The following TRIM67 variants were observed in gnomAD, a reference collection of about 807,000 sequenced individuals.
TRIM67 encodes tripartite motif-containing protein 67.
A neutral mutation model predicts 71.0 loss-of-function variants in TRIM67; 39 were observed. The observed-to-expected ratio is 0.55, with a 90% confidence interval of 0.43 to 0.72. The LOEUF is 0.72. Among genes scored for constraint, TRIM67 ranks in the 30% least tolerant of loss-of-function variants. The pLI is 0.00. For missense variants in TRIM67, 973 were observed against 1,079.2 expected, an observed-to-expected ratio of 0.90 and a Z score of 1.38; for synonymous variants, 481 against 473.9, an observed-to-expected ratio of 1.01 and a Z score of -0.19.
chr1:231,171,152 G>A (rs1682608101), intron 1 of TRIM67, among the ~76,000 whole-genome samples: 1 of 152,172 alleles, frequency 6.6e-6, no homozygotes, highest in Non-Finnish European at 1.5e-5. Flanking sequence ...TAGGGGGCCT[G>A]AGAGCTTTGA....
Position 231,210,004 on chromosome 1 carries a change from C to G in TRIM67, c.2123+754C>G, listed in dbSNP as rs148252012. Among the ~76,000 whole-genome samples, 704 of 152,298 alleles carry G rather than the reference C, an allele frequency of 4.6e-3. 5 individuals are homozygous for G. The highest frequency in any genetic ancestry group is 0.016 in the African/African-American group (675 of 41,580). On this transcript the variant is annotated intron_variant, in intron 8 of 9. Coordinates refer to ENST00000366653, the MANE Select transcript of TRIM67 (RefSeq NM_001004342.5). ...CAGACACAAAGAAGGCAGTGCCCCCCCAACACCCCTGCACCATAGCTCTGT... is the reference window on the plus strand; with the variant it reads ...CAGACACAAAGAAGGCAGTGCCCCCGCAACACCCCTGCACCATAGCTCTGT...
At chr1:231,165,056 C>G (rs1034969823) in intron 1 of TRIM67, among the ~76,000 whole-genome samples, 1 of 152,160 alleles carries the variant, frequency 6.6e-6, no homozygotes, top group African/African-American at 2.4e-5. Context: ...AGCAGTAGTT[C>G]TCAACTGTGT....
intron 1 of TRIM67, among the ~76,000 whole-genome samples, chr1:231,187,916 G>A (rs1283911319): frequency 2.0e-5 from 3 of 152,188 alleles, no homozygotes; most frequent in Non-Finnish European, 4.4e-5. Context: ...GAAGTGACAG[G>A]AGTGAATCTA....
Position 231,163,980 on chromosome 1 carries a change from G to A in TRIM67, c.1011G>A (p.Val337=). ...AGGGCCGGCACGCCAAGCACGAGGT[G>A]AAGCCGCTGGGGGCCATGTGGAAGC... The part of the protein sequence containing the change: ...LEEGRHAKHE[V]KPLGAMWKQH... Residue 337 remains valine, a synonymous_variant, in exon 1 of 10, where the codon GTG becomes GTA. Transcript: ENST00000366653. 1.9e-6 allele frequency: 3 copies of A among 1,580,138 alleles called. No homozygotes were observed. Among genetic ancestry groups the A allele is most frequent in the Non-Finnish European group, 2.6e-6 (3 of 1,163,088 alleles).
chr1:231,210,376 G>A (rs754150791), intron 8 of TRIM67, among the ~76,000 whole-genome samples: 4 of 151,972 alleles, frequency 2.6e-5, no homozygotes, highest in Admixed American at 1.3e-4. Flanking sequence ...GGGAAGCCAC[G>A]TCTAATCTGG....
At chr1:231,215,066 C>T (rs1182549230) in intron 9 of TRIM67, among the ~76,000 whole-genome samples, 2 of 152,206 alleles carry the variant, frequency 1.3e-5, no homozygotes, top group African/African-American at 2.4e-5. Context: ...TATGTAACCA[C>T]GGGAGCCAGT....
At chr1:231,187,611 T>C in intron 1 of TRIM67, 3 of 1,486,472 alleles carry the variant, frequency 2.0e-6, no homozygotes, top group Non-Finnish European at 2.7e-6. Flanking sequence ...AAACTCTCAG[T>C]GAAGCTTCGA....
At position 231,213,940 on chromosome 1, in the gene TRIM67, T is replaced by C. The variant is rs1338401353; in HGVS notation, c.2249T>C (p.Val750Ala). ...ACAGCCTTCAGCCACGTGGACGGGG[T>C]CTTCATGCCAGCCCTCAGCCTCAAC... ...GPTAFSHVDG[V>A]FMPALSLNRN... Residue 750 changes from valine to alanine, a missense_variant, in exon 9 of 10, where the codon GTC becomes GCC. Val to Ala is a moderately conservative substitution (Grantham distance 64, BLOSUM62 0). Coordinates refer to ENST00000366653, the MANE Select transcript of TRIM67 (RefSeq NM_001004342.5). 1 of 1,613,160 alleles carries C rather than the reference T, an allele frequency of 6.2e-7. No individual in the cohort carries two copies. The highest frequency in any genetic ancestry group is 8.5e-7 in the Non-Finnish European group (1 of 1,179,514).
chr1:231,202,247 G>A (rs1289963488), intron 5 of TRIM67, among the ~76,000 whole-genome samples: 12 of 6,350 alleles, frequency 1.9e-3, no homozygotes, highest in East Asian at 0.01. Flanking sequence ...AGGGGGGGTA[G>A]TGGAGAAGGA....
intron 1 of TRIM67, among the ~76,000 whole-genome samples, chr1:231,180,042 C>A (rs1157732371): frequency 6.6e-6 from 1 of 152,188 alleles, no homozygotes; most frequent in East Asian, 1.9e-4. Context: ...GTGACCCATC[C>A]AGGGTTATAA....
At chr1:231,184,898 A>G in intron 1 of TRIM67, 1 of 879,266 alleles carries the variant, frequency 1.1e-6, no homozygotes, top group Non-Finnish European at 1.7e-6. Flanking sequence ...GCAAGAAACT[A>G]GGTCACGTAA....
chr1:231,197,277 C>A, intron 1 of TRIM67, 94 bp from the exon 2 acceptor site: 1 of 984,026 alleles, frequency 1.0e-6, no homozygotes, highest in Non-Finnish European at 1.6e-6. Context: ...TCAGTCCTAT[C>A]CCCTCTTATA....
chr1:231,162,679 C>T lies in TRIM67; in HGVS notation c.-291C>T, dbSNP rs956761956. The stretch of plus-strand genomic sequence containing the variant: ...TCACCTAAAGCTCCTCGCAGGCCAC[C>T]GCGAGGGCAGCCGACCGGCTCCGGA... On this transcript the variant is annotated 5_prime_UTR_variant, in exon 1 of 10. Coordinates refer to ENST00000366653, the MANE Select transcript of TRIM67 (RefSeq NM_001004342.5). 2 of 422,524 alleles carry T rather than the reference C, an allele frequency of 4.7e-6. No individual in the cohort carries two copies. Among genetic ancestry groups the T allele is most frequent in the Admixed American group, 4.3e-5 (1 of 23,518 alleles). 26.2% of individuals were successfully genotyped at this position (422,524 alleles called of 1,614,324 possible).
intron 1 of TRIM67, among the ~76,000 whole-genome samples, chr1:231,193,522 C>CTCTCTCTCTCTT (rs1322141123): frequency 6.6e-6 from 1 of 150,568 alleles, no homozygotes; most frequent in African/African-American, 2.4e-5. Context: ...CTCTCTCTCT[C>CTCTCTCTCTCTT]TCTCTCTCTC....
chr1:231,181,852 C>T (rs1682915461), intron 1 of TRIM67, among the ~76,000 whole-genome samples: 1 of 152,078 alleles, frequency 6.6e-6, no homozygotes, highest in Non-Finnish European at 1.5e-5. Flanking sequence ...TATTCTGAAC[C>T]TTTTTTCTGG....
chr1:231,207,499 G>A (rs1683737677), intron 7 of TRIM67, among the ~76,000 whole-genome samples: 1 of 152,312 alleles, frequency 6.6e-6, no homozygotes, highest in Non-Finnish European at 1.5e-5. Flanking sequence ...AGAGAGTTCT[G>A]CTCCCCCAGG....
chr1:231,185,443 G>A (rs867907218), intron 1 of TRIM67, among the ~76,000 whole-genome samples: 3 of 151,936 alleles, frequency 2.0e-5, no homozygotes, highest in Middle Eastern at 3.4e-3. Context: ...GGAAGTCTGT[G>A]TTCCAGCCCC....
In TRIM67 at chr1:231,209,601, C is replaced by T. The variant is rs1407180539; in HGVS notation, c.2123+351C>T. 6.6e-6 allele frequency among the ~76,000 whole-genome samples: 1 copy of T among 152,206 alleles called. No individual in the cohort carries two copies. ...CTGTCAACCCAAGCTTGGGTTGCTGCAGGGTGTTAATGGGCACCACTGGGG... is the reference window on the plus strand; with the variant it reads ...CTGTCAACCCAAGCTTGGGTTGCTGTAGGGTGTTAATGGGCACCACTGGGG... On this transcript the variant is annotated intron_variant, in intron 8 of 9. Transcript: ENST00000366653. The surrounding 1 kb of genome is among the most constrained non-coding windows in gnomAD (Gnocchi z 4.1).
chr1:231,211,748 T>C (rs1683877876), intron 8 of TRIM67, among the ~76,000 whole-genome samples: 1 of 152,188 alleles, frequency 6.6e-6, no homozygotes, highest in African/African-American at 2.4e-5. Context: ...ATGGTTTTCT[T>C]AGCAGAGTGG....
Sources: allele counts gnomAD v4.1 joint callset (sites outside exome capture counted in the v4.1 genomes callset), GRCh38; gene constraint gnomAD v4.1.1; non-coding constraint Gnocchi (gnomAD v3.1); transcripts MANE v1.5; gene names NCBI Gene and HGNC (gene_info 2026-07-23, HGNC 2026-07-21).